AK5: variants seen among roughly 807,000 people sequenced by gnomAD.
AK5 encodes the protein adenylate kinase 5, also known as adenylate kinase isoenzyme 5.
In AK5, 27 loss-of-function variants were observed where a neutral mutation model predicts 69.5. The observed-to-expected ratio is 0.39, with a 90% CI of 0.29 to 0.54. The LOEUF (loss-of-function observed/expected upper bound fraction) is 0.54. AK5 is among the 20% of genes least tolerant of loss of function. The pLI, the probability that AK5 is intolerant of heterozygous loss-of-function variation, is 0.71. For synonymous variants in AK5, 260 were observed against 244.4 expected (o/e 1.06, Z -0.60); for missense variants, 531 against 700.4 (o/e 0.76, Z 2.73).
intron 10 of AK5, among the ~76,000 whole-genome samples, chr1:77,500,762 A>G (rs899436461): frequency 1.3e-5 from 2 of 152,210 alleles, no homozygotes; most frequent in African/African-American, 4.8e-5. Context: ...AGCCTGGGCA[A>G]CAGAGCGAGA....
At chr1:77,515,994 T>C (rs953397319) in intron 10 of AK5, among the ~76,000 whole-genome samples, 18 of 151,974 alleles carry the variant, frequency 1.2e-4, no homozygotes, top group African/African-American at 4.4e-4. Flanking sequence ...GCCCGGGAGT[T>C]TTGAGTTCAA....
intron 3 of AK5, among the ~76,000 whole-genome samples, chr1:77,294,769 A>AT (rs1296379295): frequency 2.6e-5 from 4 of 152,248 alleles, no homozygotes; most frequent in African/African-American, 9.6e-5. Context: ...TGTTTTAAAT[A>AT]TTTTTGAAAA....
chr1:77,304,153 C>A (rs1659499109), intron 5 of AK5, among the ~76,000 whole-genome samples: 1 of 152,162 alleles, frequency 6.6e-6, no homozygotes, highest in African/African-American at 2.4e-5. Context: ...CCCCCCGACA[C>A]ATCCGCAACC....
At chr1:77,525,393 G>A (rs1359934960) in intron 12 of AK5, among the ~76,000 whole-genome samples, 1 of 152,218 alleles carries the variant, frequency 6.6e-6, no homozygotes, top group Admixed American at 6.5e-5. Context: ...AAGAAAAGAG[G>A]TTATTTTGGC....
chr1:77,517,290 A>G (rs568862104), intron 10 of AK5, among the ~76,000 whole-genome samples: 1 of 152,168 alleles, frequency 6.6e-6, no homozygotes, highest in Non-Finnish European at 1.5e-5. Flanking sequence ...CGATTCTGAC[A>G]TGCAGAGGTG....
At position 77,282,192 on chromosome 1, in the gene AK5, T is replaced by C; in HGVS notation, c.-122T>C. 2.3e-6 allele frequency: 2 copies of C among 863,894 alleles called. No homozygotes were observed. Among genetic ancestry groups the C allele is most frequent in the South Asian group, 4.2e-5 (2 of 47,862 alleles). 53.5% of individuals were successfully genotyped at this position (863,894 alleles called of 1,614,324 possible). A position where few individuals can be genotyped will look rare whatever the true frequency, so the allele number is the denominator to read the frequency against. ...GCGGAGAGGCTGAGCTGAGTGCGCG[T>C]GAGAAAGAGGGCTGCACCGCTGCTC... On this transcript the variant is annotated 5_prime_UTR_variant, in exon 1 of 14. Coordinates refer to ENST00000354567, the MANE Select transcript of AK5 (RefSeq NM_174858.3).
intron 5 of AK5, among the ~76,000 whole-genome samples, chr1:77,318,067 C>G (rs1660331300): frequency 6.6e-6 from 1 of 152,112 alleles, no homozygotes; most frequent in Non-Finnish European, 1.5e-5. Flanking sequence ...CATCATTATC[C>G]CAATTGTATT....
intron 6 of AK5, among the ~76,000 whole-genome samples, chr1:77,346,663 A>C (rs1446868662): frequency 1.3e-5 from 2 of 151,684 alleles, no homozygotes; most frequent in Non-Finnish European, 2.9e-5. Context: ...TGCCCACCTA[A>C]TTTTTCGTAT....
intron 6 of AK5, among the ~76,000 whole-genome samples, chr1:77,347,060 A>G (rs1396078642): frequency 3.3e-5 from 5 of 152,156 alleles, no homozygotes; most frequent in Admixed American, 6.5e-5. Context: ...GCTCCCACTA[A>G]TTCCTATTTC....
intron 13 of AK5, among the ~76,000 whole-genome samples, chr1:77,539,596 G>C (rs1432056090): frequency 6.6e-6 from 1 of 152,184 alleles, no homozygotes; most frequent in East Asian, 1.9e-4. Flanking sequence ...GTACCCGTGG[G>C]GTTTGCCAGT....
At chr1:77,329,196 A>G (rs1660963719) in intron 5 of AK5, among the ~76,000 whole-genome samples, 1 of 59,626 alleles carries the variant, frequency 1.7e-5, no homozygotes. Context: ...CCCTCAGTGA[A>G]AAAAAAAAAA....
At chr1:77,294,890 G>A (rs1446889615) in intron 3 of AK5, among the ~76,000 whole-genome samples, 3 of 152,020 alleles carry the variant, frequency 2.0e-5, no homozygotes, top group Non-Finnish European at 4.4e-5. Context: ...TTAGCTGGGC[G>A]TGGTGACACA....
intron 6 of AK5, among the ~76,000 whole-genome samples, chr1:77,358,016 T>A (rs868313271): frequency 8.7e-5 from 9 of 103,906 alleles, no homozygotes; most frequent in South Asian, 4.0e-4. Context: ...TGTGTGTGTG[T>A]GTGAGAGAGA....
rs1319672822 is a variant in AK5, at chr1:77,340,402, T to C, written c.725T>C (p.Phe242Ser). ...ATCTGTACCCCCGATTTGGTGGTAT[T>C]CCTGGCTTGTGCTAATCAGAGACTC... ...DQICTPDLVV[F>S]LACANQRLKE... Residue 242 changes from phenylalanine to serine, a missense_variant, in exon 6 of 14, where the codon TTC becomes TCC. Physicochemically the swap from Phe to Ser is radical, Grantham distance 155. Coordinates refer to ENST00000354567, the MANE Select transcript of AK5 (RefSeq NM_174858.3). The C allele has an allele frequency of 1.2e-6, 2 of 1,613,896 alleles. No individual in the cohort carries two copies. Among genetic ancestry groups the C allele is most frequent in the Non-Finnish European group, 1.7e-6 (2 of 1,179,918 alleles).
intron 6 of AK5, among the ~76,000 whole-genome samples, chr1:77,403,189 G>A (rs1407721980): frequency 1.3e-5 from 2 of 152,108 alleles, no homozygotes; most frequent in East Asian, 3.8e-4. Context: ...GTAGATTCTG[G>A]ATATTAGCCC....
intron 5 of AK5, among the ~76,000 whole-genome samples, chr1:77,299,346 A>C (rs1570336417): frequency 1.4e-5 from 2 of 146,188 alleles, no homozygotes; most frequent in Non-Finnish European, 3.1e-5. Context: ...TATTTCAAGG[A>C]GCATTTAACA....
At chr1:77,324,999 G>A (rs1377972780) in intron 5 of AK5, among the ~76,000 whole-genome samples, 3 of 57,222 alleles carry the variant, frequency 5.2e-5, no homozygotes, top group Non-Finnish European at 1.2e-4. Context: ...TTGAGACGGA[G>A]GCTTGTTCTG....
At chr1:77,469,360 A>T (rs969289862) in intron 8 of AK5, among the ~76,000 whole-genome samples, 1 of 152,230 alleles carries the variant, frequency 6.6e-6, no homozygotes, top group Admixed American at 6.5e-5. Flanking sequence ...TTCCTCGATA[A>T]CCTGGGTGAG....
intron 2 of AK5, among the ~76,000 whole-genome samples, chr1:77,290,138 A>C (rs1658604441): frequency 6.6e-6 from 1 of 152,234 alleles, no homozygotes; most frequent in African/African-American, 2.4e-5. Context: ...AACTTTTCGT[A>C]TACCTATGGT....
Sources: gnomAD v4.1 joint callset for allele counts (sites outside exome capture counted in the v4.1 genomes callset) on GRCh38, gnomAD v4.1.1 for gene constraint, MANE v1.5 for transcripts, NCBI Gene and HGNC (gene_info 2026-07-23, HGNC 2026-07-21) for gene names.